CSRNP3: variants seen among roughly 807,000 people sequenced by gnomAD.
CSRNP3 encodes cysteine/serine-rich nuclear protein 3.
In CSRNP3, 12 loss-of-function variants were observed where a neutral mutation model predicts 48.0. That is an observed-to-expected ratio of 0.25 (90% CI 0.16 to 0.41). The LOEUF is 0.41. Ranked by LOEUF, CSRNP3 falls within the 10% of genes least tolerant of loss-of-function variation. The pLI is 1.00. For missense variants in CSRNP3, 580 were observed against 724.4 expected (o/e 0.80, Z 2.29); for synonymous variants, 263 against 269.7 (o/e 0.98, Z 0.24).
At chr2:165,625,815 C>T (rs895572371) in intron 4 of CSRNP3, among the ~76,000 whole-genome samples, 3 of 150,652 alleles carry the variant, frequency 2.0e-5, no homozygotes, top group African/African-American at 4.9e-5. Flanking sequence ...CACCTATAAT[C>T]CCAGCTACTC....
intron 3 of CSRNP3, among the ~76,000 whole-genome samples, chr2:165,530,168 C>A (rs1400521711): frequency 1.3e-5 from 2 of 152,014 alleles, no homozygotes; most frequent in African/African-American, 4.8e-5. Flanking sequence ...TGTTTGGTAA[C>A]CTCAATTCTC....
chr2:165,628,032 A>C (rs1259073009), intron 4 of CSRNP3, among the ~76,000 whole-genome samples: 1 of 152,234 alleles, frequency 6.6e-6, no homozygotes, highest in East Asian at 1.9e-4. Flanking sequence ...CCATGAAGCC[A>C]TAGTTGAATT....
At chr2:165,540,192 C>G (rs1336717255) in intron 3 of CSRNP3, among the ~76,000 whole-genome samples, 2 of 152,020 alleles carry the variant, frequency 1.3e-5, no homozygotes, top group East Asian at 3.9e-4. Context: ...ATTGAATAGG[C>G]TGTTGAACTT....
intron 3 of CSRNP3, among the ~76,000 whole-genome samples, chr2:165,583,081 C>T (rs768213850): frequency 6.6e-6 from 1 of 152,244 alleles, no homozygotes; most frequent in Non-Finnish European, 1.5e-5. Flanking sequence ...GCATTTTTCA[C>T]ATTGGTAGTG....
In CSRNP3 at chr2:165,679,662, A is replaced by G. The variant is rs760970772; in HGVS notation, c.1667A>G (p.His556Arg). ...ALNGDSHISE[H>R]PAENSLSLAE... is the part of the protein sequence containing the mutation. The stretch of plus-strand genomic sequence containing the variant: ...AATGGTGACAGTCACATTTCAGAGC[A>G]TCCTGCTGAAAATTCTTTGAGCCTT... Residue 556 changes from histidine (H) to arginine (R), a missense_variant, in exon 7 of 7, where the codon CAT becomes CGT. Coordinates refer to ENST00000651982, the MANE Select transcript of CSRNP3 (RefSeq NM_001172173.2). 1 of 1,614,188 alleles carries G rather than the reference A, an allele frequency of 6.2e-7. No homozygotes were observed. The highest frequency in any genetic ancestry group is 1.7e-5 in the Admixed American group (1 of 60,026).
intron 3 of CSRNP3, among the ~76,000 whole-genome samples, chr2:165,591,158 G>A (rs1685710331): frequency 6.6e-6 from 1 of 152,180 alleles, no homozygotes; most frequent in Non-Finnish European, 1.5e-5. Context: ...GCCTCAGGAG[G>A]ACTCTGATGG....
rs1203964557 is a variant in CSRNP3 at position 165,681,758 on chromosome 2, TATAC to T, written c.*2007_*2010del. ...ATATATATATATATATATATATATA[TATAC>T]ACACACACACACACATACACATATA... On this transcript the variant is annotated 3_prime_UTR_variant, in exon 7 of 7. Coordinates refer to ENST00000651982, the MANE Select transcript of CSRNP3 (RefSeq NM_001172173.2). The T allele has an allele frequency of 5.3e-4, 27 of 50,810 alleles. No homozygotes were observed. The highest frequency in any genetic ancestry group is 8.9e-4 in the African/African-American group (17 of 19,062). The allele number at this position is 50,810 out of a possible 1,614,324, so 3.1% of individuals were successfully genotyped here. A position where few individuals can be genotyped will look rare whatever the true frequency, so the allele number is the denominator to read the frequency against.
At chr2:165,613,955 T>C (rs548578690) in intron 4 of CSRNP3, among the ~76,000 whole-genome samples, 2 of 152,074 alleles carry the variant, frequency 1.3e-5, no homozygotes, top group African/African-American at 2.4e-5. Context: ...TGGTGTTTGA[T>C]AGAGATTGCG....
chr2:165,645,423 C>T (rs953572962), intron 4 of CSRNP3, among the ~76,000 whole-genome samples: 4 of 152,196 alleles, frequency 2.6e-5, no homozygotes, highest in Non-Finnish European at 4.4e-5. Flanking sequence ...CTCCCAAATG[C>T]TCCACTATCT....
intron 5 of CSRNP3, among the ~76,000 whole-genome samples, chr2:165,667,073 GA>G (rs1687242508): frequency 1.4e-5 from 1 of 68,986 alleles, no homozygotes; most frequent in African/African-American, 3.8e-5. Context: ...GAAGGAAAGA[GA>G]GAGAGAAAGA....
chr2:165,589,447 A>G, intron 3 of CSRNP3, among the ~76,000 whole-genome samples: 1 of 152,216 alleles, frequency 6.6e-6, no homozygotes, highest in Admixed American at 6.5e-5. Context: ...CTTCATTGCT[A>G]CACAAAGCAA....
chr2:165,668,258 A>C (rs867055918), intron 5 of CSRNP3, among the ~76,000 whole-genome samples: 5 of 152,170 alleles, frequency 3.3e-5, no homozygotes, highest in Non-Finnish European at 7.3e-5. Flanking sequence ...CTCCATTAGA[A>C]AGGCCACCTC....
At chr2:165,575,372 T>C (rs563857647) in intron 3 of CSRNP3, among the ~76,000 whole-genome samples, 1 of 152,132 alleles carries the variant, frequency 6.6e-6, no homozygotes, top group East Asian at 1.9e-4. Context: ...GCAGTTACAA[T>C]GTTGATTAAA....
chr2:165,594,339 GA>G (rs1472209323), intron 3 of CSRNP3, among the ~76,000 whole-genome samples: 1 of 152,186 alleles, frequency 6.6e-6, no homozygotes, highest in African/African-American at 2.4e-5. Context: ...TGGTAAAATG[GA>G]GAAGGTGGAG....
chr2:165,518,241 C>G (rs769402501), intron 3 of CSRNP3, among the ~76,000 whole-genome samples: 6 of 151,910 alleles, frequency 3.9e-5, no homozygotes, highest in Non-Finnish European at 7.4e-5. Context: ...AAACATTTGA[C>G]ATTTCTATAA....
intron 3 of CSRNP3, among the ~76,000 whole-genome samples, chr2:165,532,191 C>T (rs1684822488): frequency 6.6e-6 from 1 of 152,168 alleles, no homozygotes; most frequent in Admixed American, 6.5e-5. Flanking sequence ...AAGAGGGAAT[C>T]CTCCCTAACT....
At chr2:165,568,397 C>T (rs1685324499) in intron 3 of CSRNP3, among the ~76,000 whole-genome samples, 1 of 152,122 alleles carries the variant, frequency 6.6e-6, no homozygotes, top group African/African-American at 2.4e-5. Flanking sequence ...AATCTCCTGT[C>T]ACCCAAGTCT....
chr2:165,571,164 G>A (rs909658869), intron 3 of CSRNP3, among the ~76,000 whole-genome samples: 22 of 151,586 alleles, frequency 1.5e-4, no homozygotes, highest in African/African-American at 4.6e-4. Flanking sequence ...TATAAGTGCC[G>A]TTAAGTTACT....
chr2:165,548,739 C>G (rs1685062122), intron 3 of CSRNP3, among the ~76,000 whole-genome samples: 1 of 151,972 alleles, frequency 6.6e-6, no homozygotes, highest in Admixed American at 6.6e-5. Flanking sequence ...CTACCAGGAA[C>G]CAGTCTGTTC....
Sources: gnomAD v4.1 joint callset for allele counts (sites outside exome capture counted in the v4.1 genomes callset) on GRCh38, gnomAD v4.1.1 for gene constraint, MANE v1.5 for transcripts, NCBI Gene and HGNC (gene_info 2026-07-23, HGNC 2026-07-21) for gene names.